PELI2: variants seen among roughly 807,000 people sequenced by gnomAD.
PELI2 encodes the protein pellino E3 ubiquitin protein ligase family member 2, also known as E3 ubiquitin-protein ligase pellino homolog 2.
In PELI2, 23 loss-of-function variants were observed where a neutral mutation model predicts 42.3. The ratio of observed to expected loss-of-function variants is 0.54; its 90% CI spans 0.39 to 0.77. The LOEUF (loss-of-function observed/expected upper bound fraction) is 0.77, where lower values mean the gene tolerates loss of function less well. Ranked by LOEUF, PELI2 falls within the 30% of genes least tolerant of loss-of-function variation. PELI2 has a pLI of 0.00. For missense variants in PELI2, 463 were observed against 553.2 expected, an observed-to-expected ratio of 0.84 and a Z score of 1.64; for synonymous variants, 245 against 212.2, an observed-to-expected ratio of 1.15 and a Z score of -1.34.
chr14:56,177,474 G>A (rs578084702), intron 1 of PELI2, among the ~76,000 whole-genome samples: 2 of 152,150 alleles, frequency 1.3e-5, no homozygotes, highest in African/African-American at 2.4e-5. Context: ...AAGAACTTCC[G>A]CCAAGGTGGA....
At chr14:56,121,841 GA>G (rs1450985310) in intron 1 of PELI2, among the ~76,000 whole-genome samples, 1 of 152,178 alleles carries the variant, frequency 6.6e-6, no homozygotes, top group African/African-American at 2.4e-5. Context: ...CGCAAATGTA[GA>G]AACTATTTAG....
chr14:56,239,709 C>T (rs943002278), intron 2 of PELI2, among the ~76,000 whole-genome samples: 1 of 152,100 alleles, frequency 6.6e-6, no homozygotes, highest in Non-Finnish European at 1.5e-5. Flanking sequence ...TTCCCCAAGC[C>T]CCGTGCACTT....
intron 2 of PELI2, among the ~76,000 whole-genome samples, chr14:56,233,217 T>C (rs1441073221): frequency 6.6e-6 from 1 of 152,208 alleles, no homozygotes; most frequent in East Asian, 1.9e-4. Flanking sequence ...CCCATCAAGC[T>C]AGCAGTGACT....
In PELI2 at chr14:56,288,754, T is replaced by G. The variant is rs1182625677; in HGVS notation, c.507+120T>G. On this transcript the variant is annotated intron_variant, in intron 4 of 5. Coordinates refer to ENST00000267460, the MANE Select transcript of PELI2 (RefSeq NM_021255.3). The surrounding 1 kb of genome is among the most constrained non-coding windows in gnomAD (Gnocchi z 4.6). ...GTTGCCTCTAGTGAGATTTTGAGAT[T>G]TTAGTTTTCAGGTGGCCAGTTTGAG... The G allele has an allele frequency of 1.4e-6, 1 of 711,550 alleles. No homozygotes were observed. The highest frequency in any genetic ancestry group is 2.4e-6 in the Non-Finnish European group (1 of 423,468). The allele number at this position is 711,550 out of a possible 1,614,324, so 44.1% of individuals were successfully genotyped here.
intron 1 of PELI2, among the ~76,000 whole-genome samples, chr14:56,153,393 T>C (rs76626679): frequency 0.019 from 2,944 of 152,272 alleles, 81 homozygotes; most frequent in African/African-American, 0.063. Flanking sequence ...CTTACTACCC[T>C]GTTCAGCTAG....
intron 2 of PELI2, among the ~76,000 whole-genome samples, chr14:56,275,587 A>G (rs1889262507): frequency 6.6e-6 from 1 of 152,180 alleles, no homozygotes; most frequent in Admixed American, 6.5e-5. Flanking sequence ...CATTCACAAT[A>G]GGGTTCACGC....
intron 2 of PELI2, among the ~76,000 whole-genome samples, chr14:56,261,589 G>A (rs1888717231): frequency 6.6e-6 from 1 of 152,172 alleles, no homozygotes; most frequent in Admixed American, 6.5e-5. Context: ...AAAGAAAAGA[G>A]TATGCAGTGC....
intron 2 of PELI2, among the ~76,000 whole-genome samples, chr14:56,266,424 A>C (rs1888906441): frequency 6.6e-6 from 1 of 152,032 alleles, no homozygotes; most frequent in Admixed American, 6.6e-5. Context: ...AGCAACCCAA[A>C]AAATATTGAG....
chr14:56,276,005 A>G (rs1317687116), intron 2 of PELI2, among the ~76,000 whole-genome samples: 1 of 152,196 alleles, frequency 6.6e-6, no homozygotes, highest in Non-Finnish European at 1.5e-5. Flanking sequence ...TTTTATTTCC[A>G]AAATACTGGA....
At chr14:56,224,706 A>G (rs1366902458) in intron 2 of PELI2, among the ~76,000 whole-genome samples, 2 of 152,330 alleles carry the variant, frequency 1.3e-5, no homozygotes, top group South Asian at 2.1e-4. Flanking sequence ...TGATTTCTGT[A>G]TATATACATG....
chr14:56,168,272 C>A (rs1405221443), intron 1 of PELI2, among the ~76,000 whole-genome samples: 2 of 150,692 alleles, frequency 1.3e-5, no homozygotes, highest in Admixed American at 6.6e-5. Flanking sequence ...TGCCCCCCCC[C>A]AGACCCTGGG....
At chr14:56,284,720 TA>T (rs1270349424) in intron 3 of PELI2, among the ~76,000 whole-genome samples, 3 of 152,238 alleles carry the variant, frequency 2.0e-5, no homozygotes, top group Non-Finnish European at 4.4e-5. Context: ...TTGTATCTCA[TA>T]GGATTCAGCC....
At chr14:56,229,219 T>C (rs1374801724) in intron 2 of PELI2, among the ~76,000 whole-genome samples, 1 of 152,244 alleles carries the variant, frequency 6.6e-6, no homozygotes, top group African/African-American at 2.4e-5. Flanking sequence ...TAAGCATCCC[T>C]GTCTGACAGC....
chr14:56,285,481 G>A (rs549316217), intron 3 of PELI2, among the ~76,000 whole-genome samples: 1 of 152,200 alleles, frequency 6.6e-6, no homozygotes, highest in East Asian at 1.9e-4. Flanking sequence ...TCAGGGGAGA[G>A]ATGAAGACTT....
intron 2 of PELI2, among the ~76,000 whole-genome samples, chr14:56,252,924 G>A (rs138602907): frequency 6.6e-6 from 1 of 152,126 alleles, no homozygotes; most frequent in African/African-American, 2.4e-5. Context: ...TTTCAGGCCA[G>A]TATCCCTGAT....
At chr14:56,282,355 T>G (rs1478583700) in intron 3 of PELI2, among the ~76,000 whole-genome samples, 2 of 152,226 alleles carry the variant, frequency 1.3e-5, no homozygotes, top group Middle Eastern at 3.4e-3. Flanking sequence ...TTTAAAATGC[T>G]ACTAAATAAA....
intron 2 of PELI2, among the ~76,000 whole-genome samples, chr14:56,232,601 A>T (rs1424488384): frequency 6.6e-6 from 1 of 152,078 alleles, no homozygotes; most frequent in Non-Finnish European, 1.5e-5. Context: ...TATCAACGGG[A>T]CATATCTCAA....
chr14:56,247,043 G>A (rs573893012), intron 2 of PELI2, among the ~76,000 whole-genome samples: 7 of 152,256 alleles, frequency 4.6e-5, no homozygotes, highest in Admixed American at 3.3e-4. Flanking sequence ...ACAGAGATAC[G>A]AATGTGTACC....
At chr14:56,279,809 G>T in intron 3 of PELI2, 32 bp downstream of exon 3, 1 of 1,160,982 alleles carries the variant, frequency 8.6e-7, no homozygotes, top group South Asian at 1.3e-5. Context: ...AGAAATTTTA[G>T]CACGTTTTCC....
Sources: gnomAD v4.1 joint callset for allele counts (sites outside exome capture counted in the v4.1 genomes callset) on GRCh38, gnomAD v4.1.1 for gene constraint, Gnocchi (gnomAD v3.1) non-coding constraint, MANE v1.5 for transcripts, NCBI Gene and HGNC (gene_info 2026-07-23, HGNC 2026-07-21) for gene names.